EML4: variants seen among roughly 807,000 people sequenced by gnomAD.
EML4 encodes echinoderm microtubule-associated protein-like 4.
A neutral mutation model predicts 129.0 loss-of-function variants in EML4; 72 were observed. That is an observed-to-expected ratio of 0.56 (90% confidence interval 0.46 to 0.68). The LOEUF is 0.68. Ranked by LOEUF, EML4 falls within the 30% of genes least tolerant of loss-of-function variation. The pLI is 0.00. For missense variants in EML4, 1,363 were observed against 1,190.6 expected (o/e 1.14, Z -2.13); for synonymous variants, 532 against 405.0 (o/e 1.31, Z -3.77).
chr2:42,327,399 T>G (rs1383499142), intron 21 of EML4, among the ~76,000 whole-genome samples: 1 of 152,248 alleles, frequency 6.6e-6, no homozygotes, highest in Non-Finnish European at 1.5e-5. Context: ...ACTGTATGTT[T>G]ACTCTTTTGA....
rs116108585 is a variant in EML4 at position 42,182,802 on chromosome 2, A to T, written c.25+13166A>T. 8.5e-5 allele frequency among the ~76,000 whole-genome samples: 13 copies of T among 152,114 alleles called. No individual in the cohort carries two copies. The South Asian group carries it at 2.5e-3, about 29-fold the overall frequency. On this transcript the variant is annotated intron_variant, in intron 1 of 22. Transcript: ENST00000318522. ...TCTGGAAGCTAGAGGTCAGAAATCA[A>T]TGTTTCATCAGGTTTGATTTCTTAC...
intron 2 of EML4, among the ~76,000 whole-genome samples, chr2:42,246,529 G>T (rs1675411763): frequency 6.6e-6 from 1 of 152,172 alleles, no homozygotes; most frequent in Admixed American, 6.5e-5. Context: ...AGTGCAGTCA[G>T]CCAACCAGCA....
chr2:42,239,611 CTTGAGAATTCAT>C (rs2104261549), intron 1 of EML4, among the ~76,000 whole-genome samples: 1 of 152,096 alleles, frequency 6.6e-6, no homozygotes, highest in African/African-American at 2.4e-5. Flanking sequence ...TTCAAAAATG[CTTGAGAATTCAT>C]TTGTATTTCA....
At chr2:42,264,208 G>A (rs148898255) in intron 5 of EML4, among the ~76,000 whole-genome samples, 1,717 of 145,708 alleles carry the variant, frequency 0.012, 19 homozygotes, top group Middle Eastern at 0.068. Context: ...TCACCTTCCT[G>A]GGCTCAGGTG....
intron 1 of EML4, among the ~76,000 whole-genome samples, chr2:42,180,891 G>C (rs1421774757): frequency 6.6e-6 from 1 of 152,104 alleles, no homozygotes; most frequent in Non-Finnish European, 1.5e-5. Context: ...AGTCTTCCTT[G>C]GGTTTTGTCA....
At chr2:42,228,203 A>AG (rs1391903186) in intron 1 of EML4, among the ~76,000 whole-genome samples, 1 of 148,204 alleles carries the variant, frequency 6.7e-6, no homozygotes, top group African/African-American at 2.5e-5. Context: ...CCTGGGTGAC[A>AG]GGGAGAGACT....
At position 42,330,021 on chromosome 2, in the gene EML4, C is replaced by A; in HGVS notation, c.2760C>A (p.Pro920=). 1 of 1,613,654 alleles carries A rather than the reference C, an allele frequency of 6.2e-7. No homozygotes were observed. Residue 920 remains proline (P), a synonymous_variant, in exon 23 of 23, where the codon CCC becomes CCA. Coordinates refer to ENST00000318522, the MANE Select transcript of EML4 (RefSeq NM_019063.5). Reference sequence around the variant, plus strand: ...AGGAAAGTAGAATAAGCAGTTCTCCCACACTTCTGGAGAACAGCCTGGAAC... The same window carrying A: ...AGGAAAGTAGAATAAGCAGTTCTCCAACACTTCTGGAGAACAGCCTGGAAC... ...AEEESRISSS[P]TLLENSLEQT...
At chr2:42,184,942 G>T (rs939207341) in intron 1 of EML4, among the ~76,000 whole-genome samples, 1 of 152,132 alleles carries the variant, frequency 6.6e-6, no homozygotes, top group Non-Finnish European at 1.5e-5. Flanking sequence ...GTGCCTAACC[G>T]CTTTGGCCGA....
intron 2 of EML4, among the ~76,000 whole-genome samples, chr2:42,246,025 A>G (rs1675381452): frequency 1.3e-5 from 2 of 152,206 alleles, no homozygotes; most frequent in African/African-American, 4.8e-5. Context: ...GGTGGTAGGC[A>G]CTCATGTGTT....
At chr2:42,305,002 C>T (rs1668510106) in intron 17 of EML4, among the ~76,000 whole-genome samples, 2 of 152,088 alleles carry the variant, frequency 1.3e-5, no homozygotes, top group Non-Finnish European at 2.9e-5. Flanking sequence ...ACCTGTAATC[C>T]CAGCTATTCT....
At chr2:42,306,591 CA>C (rs1292328483) in intron 17 of EML4, among the ~76,000 whole-genome samples, 1 of 141,456 alleles carries the variant, frequency 7.1e-6, no homozygotes, top group East Asian at 2.1e-4. Flanking sequence ...CTCCTGGGTT[CA>C]CGCCATTCTC....
Position 42,241,470 on chromosome 2 carries a change from A to G in EML4, c.26-4035A>G, listed in dbSNP as rs916086729. 2.8e-4 allele frequency among the ~76,000 whole-genome samples: 42 copies of G among 152,170 alleles called. 1 individual carries two copies. Among genetic ancestry groups the G allele is most frequent in the African/African-American group, 1.0e-3 (42 of 41,432 alleles). On this transcript the variant is annotated intron_variant, in intron 1 of 22. Transcript: ENST00000318522. ...GAGATAGGAGACATACTTGTTCTGG[A>G]GAAACTGAGATACTTGAACATGTTA...
Position 42,282,979 on chromosome 2 carries a change from A to G in EML4, c.941+7A>G. The G allele has an allele frequency of 2.5e-6, 4 of 1,585,334 alleles. No homozygotes were observed. The South Asian group carries it at 3.5e-5, about 14-fold the overall frequency. Reference sequence around the variant, plus strand: ...ATACAGACTGTGTGAAATGGTTGGTATCATTTAACATTGGTTCATTTTTGT... The same window carrying G: ...ATACAGACTGTGTGAAATGGTTGGTGTCATTTAACATTGGTTCATTTTTGT... On this transcript the variant is annotated splice_region_variant and intron_variant, in intron 8 of 22. Transcript: ENST00000318522.
chr2:42,302,060 T>C lies in EML4; in HGVS notation c.1641+668T>C, dbSNP rs187157046. Among the ~76,000 whole-genome samples, 7 of 152,248 alleles carry C rather than the reference T, an allele frequency of 4.6e-5. No homozygotes were observed. In the East Asian group the frequency reaches 1.3e-3, roughly 29 times the overall value. On this transcript the variant is annotated intron_variant, in intron 14 of 22. Transcript: ENST00000318522. Reference sequence around the variant, plus strand: ...AATTCCATTATTTCAGAATCATTCTTTGAGATTATTATTAAATGTATTAAC... The same window carrying C: ...AATTCCATTATTTCAGAATCATTCTCTGAGATTATTATTAAATGTATTAAC...
At position 42,325,563 on chromosome 2, in the gene EML4, G is replaced by T; in HGVS notation, c.2242+9G>T. 1 of 855,332 alleles carries T rather than the reference G, an allele frequency of 1.2e-6. No homozygotes were observed. Among genetic ancestry groups the T allele is most frequent in the Non-Finnish European group, 1.7e-6 (1 of 573,784 alleles). 53.0% of individuals were successfully genotyped at this position (855,332 alleles called of 1,614,324 possible). A position where few individuals can be genotyped will look rare whatever the true frequency, so the allele number is the denominator to read the frequency against. On this transcript the variant is annotated intron_variant, in intron 20 of 22. Coordinates refer to ENST00000318522, the MANE Select transcript of EML4 (RefSeq NM_019063.5). ...CTATGAAATATTGTACTGTAAGTATGAATGATTTTATATATATATATATAT... is the reference window on the plus strand; with the variant it reads ...CTATGAAATATTGTACTGTAAGTATTAATGATTTTATATATATATATATAT...
rs1435464059 is a variant in EML4, at chr2:42,317,345, A to C, written c.2057-82A>C. On this transcript the variant is annotated intron_variant, in intron 18 of 22. Coordinates refer to ENST00000318522, the MANE Select transcript of EML4 (RefSeq NM_019063.5). ...AATAGTTAAATTGATGAGATTTAAC[A>C]GCATTTGTAAAATCAGTAAAATAAC... 3 of 909,844 alleles carry C rather than the reference A, an allele frequency of 3.3e-6. No homozygotes were observed. The Admixed American group carries it at 6.9e-5, about 21-fold the overall frequency. 56.4% of individuals were successfully genotyped at this position (909,844 alleles called of 1,614,324 possible). A position where few individuals can be genotyped will look rare whatever the true frequency, so the allele number is the denominator to read the frequency against.
rs542494453 is a variant in EML4 at position 42,231,739 on chromosome 2, G to A, written c.26-13766G>A. On this transcript the variant is annotated intron_variant, in intron 1 of 22. Coordinates refer to ENST00000318522, the MANE Select transcript of EML4 (RefSeq NM_019063.5). ...CCAAGGTGGGTGGATCACGAGGTCA[G>A]GAGATCGAGACCATCCTGGCTAATA... is the stretch of plus-strand genomic sequence containing the variant. Among the ~76,000 whole-genome samples the A allele has an allele frequency of 3.4e-3, 515 of 152,282 alleles. 1 individual carries two copies. The highest frequency in any genetic ancestry group is 5.0e-3 in the Non-Finnish European group (340 of 68,018).
At chr2:42,177,763 T>C (rs979258467) in intron 1 of EML4, among the ~76,000 whole-genome samples, 3 of 152,224 alleles carry the variant, frequency 2.0e-5, no homozygotes, top group African/African-American at 7.2e-5. Flanking sequence ...GTACAAGTCA[T>C]GTGCATGACC....
intron 1 of EML4, among the ~76,000 whole-genome samples, chr2:42,199,382 A>G (rs1387824444): frequency 1.3e-5 from 2 of 152,186 alleles, no homozygotes; most frequent in Admixed American, 6.5e-5. Flanking sequence ...ATCAAAACTT[A>G]TATGTAATTT....
Sources: gnomAD v4.1 joint callset for allele counts (sites outside exome capture counted in the v4.1 genomes callset) on GRCh38, gnomAD v4.1.1 for gene constraint, MANE v1.5 for transcripts, NCBI Gene and HGNC (gene_info 2026-07-23, HGNC 2026-07-21) for gene names.